Variants in BICD2 observed in about 807,000 individuals in gnomAD.
BICD2 encodes protein bicaudal D homolog 2.
Under a neutral mutation model 72.9 loss-of-function variants are expected in BICD2, and 25 were observed. That is an observed-to-expected ratio of 0.34 (90% CI 0.25 to 0.48). BICD2 has a LOEUF of 0.48. Among genes scored for constraint, BICD2 ranks in the 20% least tolerant of loss-of-function variants. BICD2 has a pLI of 0.99. For synonymous variants in BICD2, 501 were observed against 516.1 expected (o/e 0.97, Z 0.40); for missense variants, 894 against 1,175.2 (o/e 0.76, Z 3.50).
intron 1 of BICD2, among the ~76,000 whole-genome samples, chr9:92,759,632 G>A (rs993248050): frequency 1.1e-4 from 16 of 152,156 alleles, no homozygotes; most frequent in Non-Finnish European, 1.6e-4. Flanking sequence ...TCCAGAGTTC[G>A]GCTTCAGAGG....
Position 92,714,805 on chromosome 9 carries a change from G to A in BICD2, c.*349C>T. On this transcript the variant is annotated 3_prime_UTR_variant, in exon 7 of 7. Coordinates refer to ENST00000356884, the MANE Select transcript of BICD2 (RefSeq NM_001003800.2). The stretch of plus-strand genomic sequence containing the variant: ...AGGTTCTGCCCCTTTTGGGTGCTGA[G>A]GGAGCAGGACCAGGACTCCTCCCTT... 1 of 1,052,656 alleles carries A rather than the reference G, an allele frequency of 9.5e-7. No homozygotes were observed. The highest frequency in any genetic ancestry group is 5.5e-5 in the Admixed American group (1 of 18,248). 65.2% of individuals were successfully genotyped at this position (1,052,656 alleles called of 1,614,324 possible).
chr9:92,720,435 G>A lies in BICD2; in HGVS notation c.927C>T (p.Ala309=), dbSNP rs780098431. ...LVNGFEHGGL[A]KLPLDNKTST... ...AGGTCTTGTTGTCCAGTGGCAGCTT[G>A]GCCAGGCCGCCGTGCTCAAAGCCAT... The change falls in exon 4 of 7, where the codon GCC becomes GCT. Residue 309 remains alanine (A), a synonymous_variant. Coordinates refer to ENST00000356884, the MANE Select transcript of BICD2 (RefSeq NM_001003800.2). The surrounding 1 kb of genome is among the most constrained non-coding windows in gnomAD (Gnocchi z 5.4). The A allele has an allele frequency of 1.9e-6, 3 of 1,614,044 alleles. No individual in the cohort carries two copies. The highest frequency in any genetic ancestry group is 2.7e-5 in the African/African-American group (2 of 74,920).
intron 1 of BICD2, among the ~76,000 whole-genome samples, chr9:92,752,684 G>A (rs2131531785): frequency 6.6e-6 from 1 of 152,324 alleles, no homozygotes. Context: ...TTGAGCCCAG[G>A]AGGTCAAAGT....
chr9:92,738,611 A>T (rs1587681584), intron 1 of BICD2, among the ~76,000 whole-genome samples: 1 of 152,166 alleles, frequency 6.6e-6, no homozygotes, highest in East Asian at 1.9e-4. Context: ...CTCCGGACAA[A>T]CCTGTACAGG....
chr9:92,722,221 C>T (rs1392205536), intron 3 of BICD2, among the ~76,000 whole-genome samples: 1 of 152,088 alleles, frequency 6.6e-6, no homozygotes, highest in Admixed American at 6.5e-5. Context: ...CCCTCTGAGA[C>T]CCCATTAGAG....
At position 92,720,850 on chromosome 9, in the gene BICD2, G is replaced by T. The variant is rs1853451314; in HGVS notation, c.607-95C>A. The T allele has an allele frequency of 1.5e-6, 2 of 1,324,782 alleles. No homozygotes were observed. Among genetic ancestry groups the T allele is most frequent in the South Asian group, 1.5e-5 (1 of 68,206 alleles). The allele number at this position is 1,324,782 out of a possible 1,614,324, so 82.1% of individuals were successfully genotyped here. On this transcript the variant is annotated intron_variant, in intron 3 of 6. Coordinates refer to ENST00000356884, the MANE Select transcript of BICD2 (RefSeq NM_001003800.2). This position sits in a 1 kb window ranked among gnomAD's most constrained non-coding sequence, Gnocchi z 5.4. ...AAAACACACCAGCACACCAACTCCG[G>T]CCACTATGAAGCAAAAGATGAAGCG...
At chr9:92,747,041 C>T (rs1854027728) in intron 1 of BICD2, among the ~76,000 whole-genome samples, 1 of 152,216 alleles carries the variant, frequency 6.6e-6, no homozygotes, top group African/African-American at 2.4e-5. Flanking sequence ...AGCTCTGTCT[C>T]ACAGTGAACC....
rs398123032 is a variant in BICD2 at position 92,719,143 on chromosome 9, C to T, written c.1502G>A (p.Arg501Gln). The change falls in exon 5 of 7, where the codon CGG becomes CAG. Residue 501 changes from arginine to glutamine, a missense_variant. Coordinates refer to ENST00000356884, the MANE Select transcript of BICD2 (RefSeq NM_001003800.2). ...ASRQDRELLA[R>Q]LEKELKKVSD... is the part of the protein sequence containing the mutation. ...CACCTTCTTTAGCTCCTTCTCCAGC[C>T]GGGCCAGCAGCTCGCGGTCCTGGCG... is the stretch of plus-strand genomic sequence containing the variant. The T allele has an allele frequency of 3.7e-6, 6 of 1,611,996 alleles. No homozygotes were observed. The highest frequency in any genetic ancestry group is 5.1e-6 in the Non-Finnish European group (6 of 1,179,996).
rs772504613 is a variant in BICD2 at position 92,720,576 on chromosome 9, T to C, written c.786A>G (p.Ser262=). The stretch of plus-strand genomic sequence containing the variant: ...AGGAGTCATTGATGCTCATGTAGTG[T>C]GACAGCTCCTTGCGCAGGCTGTTCT... ...EQKNSLRKEL[S]HYMSINDSFY... The change falls in exon 4 of 7, where the codon TCA becomes TCG. Residue 262 remains serine (S), a synonymous_variant. Transcript: ENST00000356884. This position sits in a 1 kb window ranked among gnomAD's most constrained non-coding sequence, Gnocchi z 5.4. 6.2e-7 allele frequency: 1 copy of C among 1,614,172 alleles called. No homozygotes were observed. Among genetic ancestry groups the C allele is most frequent in the Non-Finnish European group, 8.5e-7 (1 of 1,180,028 alleles).
intron 2 of BICD2, among the ~76,000 whole-genome samples, chr9:92,728,139 C>T (rs772787063): frequency 3.9e-5 from 6 of 152,200 alleles, no homozygotes; most frequent in Non-Finnish European, 7.3e-5. Context: ...CTGCTGGGCT[C>T]AAACTACACA....
chr9:92,751,311 C>T (rs188772013), intron 1 of BICD2, among the ~76,000 whole-genome samples: 14 of 151,962 alleles, frequency 9.2e-5, no homozygotes, highest in East Asian at 7.8e-4. Flanking sequence ...GGACCACGCC[C>T]GGCTAATTTT....
In BICD2 at chr9:92,745,962, G is replaced by A. The variant is rs996225729; in HGVS notation, c.241-16726C>T. Reference sequence around the variant, plus strand: ...CCAGGTGCATGAACATCTGGGACTCGGCCCTTCCTGGTCTTGGCCTGGAAC... The same window carrying A: ...CCAGGTGCATGAACATCTGGGACTCAGCCCTTCCTGGTCTTGGCCTGGAAC... On this transcript the variant is annotated intron_variant, in intron 1 of 6. Coordinates refer to ENST00000356884, the MANE Select transcript of BICD2 (RefSeq NM_001003800.2). Among the ~76,000 whole-genome samples the A allele has an allele frequency of 3.3e-5, 5 of 152,144 alleles. No homozygotes were observed. In the South Asian group the frequency reaches 1.0e-3, roughly 32 times the overall value.
At position 92,713,576 on chromosome 9, in the gene BICD2, A is replaced by C. The variant is rs1853236608; in HGVS notation, c.*1578T>G. On this transcript the variant is annotated 3_prime_UTR_variant, in exon 7 of 7. Transcript: ENST00000356884. Reference sequence around the variant, plus strand: ...GCGCGAGCACGTTAGTTGGCAGAAGAGAAGACCTGCATGTGTTAGCAGGGG... The same window carrying C: ...GCGCGAGCACGTTAGTTGGCAGAAGCGAAGACCTGCATGTGTTAGCAGGGG... The C allele has an allele frequency of 6.5e-7, 1 of 1,542,234 alleles. No homozygotes were observed. The highest frequency in any genetic ancestry group is 1.2e-5 in the South Asian group (1 of 83,576).
At chr9:92,759,793 G>A (rs1179652131) in intron 1 of BICD2, among the ~76,000 whole-genome samples, 1 of 152,228 alleles carries the variant, frequency 6.6e-6, no homozygotes, top group African/African-American at 2.4e-5. Context: ...TCTTACCCCC[G>A]ATGTGTGTAA....
intron 1 of BICD2, among the ~76,000 whole-genome samples, chr9:92,751,926 TC>T (rs2131531224): frequency 6.6e-6 from 1 of 151,818 alleles, no homozygotes; most frequent in African/African-American, 2.4e-5. Context: ...TGCCTCAGCC[TC>T]CTGGGTAGCT....
In BICD2 at chr9:92,713,526, T is replaced by G; in HGVS notation, c.*1628A>C. On this transcript the variant is annotated 3_prime_UTR_variant, in exon 7 of 7. Coordinates refer to ENST00000356884, the MANE Select transcript of BICD2 (RefSeq NM_001003800.2). ...CTGTCGCTTCCTGTTTATCTGACAA[T>G]TGAAGCTCTCCACGTGCTGGGAGGG... 1.3e-6 allele frequency: 2 copies of G among 1,561,358 alleles called. No individual in the cohort carries two copies. Among genetic ancestry groups the G allele is most frequent in the Non-Finnish European group, 1.7e-6 (2 of 1,151,772 alleles).
intron 1 of BICD2, among the ~76,000 whole-genome samples, chr9:92,736,992 C>A (rs1374337474): frequency 6.6e-6 from 1 of 151,808 alleles, no homozygotes. Flanking sequence ...CAGTGCCCCA[C>A]CCCACCCAAA....
Position 92,722,648 on chromosome 9 carries a change from A to G in BICD2, c.606+8T>C. 1 of 1,614,150 alleles carries G rather than the reference A, an allele frequency of 6.2e-7. No homozygotes were observed. The highest frequency in any genetic ancestry group is 8.5e-7 in the Non-Finnish European group (1 of 1,180,010). On this transcript the variant is annotated splice_region_variant and intron_variant, in intron 3 of 6. Transcript: ENST00000356884. ...GTGCCACCTCCACCCCACAGGCCCA[A>G]GACTCACCTGGTTCTGTCTGAGCAC...
chr9:92,722,571 C>G lies in BICD2; in HGVS notation c.606+85G>C. 1.9e-6 allele frequency: 3 copies of G among 1,562,638 alleles called. No individual in the cohort carries two copies. The South Asian group carries it at 3.5e-5, about 18-fold the overall frequency. ...GTGTGGAATAAGACAGGAACCCCTT[C>G]CCAACAGGGAGAGGGGCTGAGCAAG... On this transcript the variant is annotated intron_variant, in intron 3 of 6. Coordinates refer to ENST00000356884, the MANE Select transcript of BICD2 (RefSeq NM_001003800.2).
Sources: allele counts gnomAD v4.1 joint callset (sites outside exome capture counted in the v4.1 genomes callset), GRCh38; gene constraint gnomAD v4.1.1; non-coding constraint Gnocchi (gnomAD v3.1); transcripts MANE v1.5; gene names NCBI Gene and HGNC (gene_info 2026-07-23, HGNC 2026-07-21).